The following FAXC variants were observed in gnomAD, a reference collection of about 807,000 sequenced individuals.
FAXC encodes failed axon connections homolog.
Under a neutral mutation model 41.9 loss-of-function variants are expected in FAXC, and 10 were observed. The observed-to-expected ratio is 0.24, with a 90% CI of 0.15 to 0.41. FAXC has a LOEUF of 0.41. Among genes scored for constraint, FAXC ranks in the 10% least tolerant of loss-of-function variants. FAXC has a pLI of 1.00. For missense variants in FAXC, 399 were observed against 510.9 expected, an observed-to-expected ratio of 0.78 and a Z score of 2.11; for synonymous variants, 183 against 183.8, an observed-to-expected ratio of 1.00 and a Z score of 0.03.
intron 5 of FAXC, among the ~76,000 whole-genome samples, chr6:99,290,284 G>A (rs1444498453): frequency 6.6e-6 from 1 of 151,944 alleles, no homozygotes; most frequent in Non-Finnish European, 1.5e-5. Flanking sequence ...CTGGTTCTAC[G>A]TATCCTTGCT....
At chr6:99,325,982 A>G (rs1405463497) in intron 3 of FAXC, among the ~76,000 whole-genome samples, 2 of 152,238 alleles carry the variant, frequency 1.3e-5, no homozygotes, top group East Asian at 1.9e-4. Flanking sequence ...AGGTGTACGC[A>G]TGAAGAGCAT....
At chr6:99,348,889 T>C (rs1432203487) in intron 1 of FAXC, among the ~76,000 whole-genome samples, 2 of 152,166 alleles carry the variant, frequency 1.3e-5, no homozygotes, top group Non-Finnish European at 2.9e-5. Context: ...GGGAGACAAA[T>C]GTTTTTCCCT....
chr6:99,286,924 T>C (rs1771049298), intron 5 of FAXC, among the ~76,000 whole-genome samples: 2 of 152,320 alleles, frequency 1.3e-5, no homozygotes, highest in South Asian at 4.1e-4. Context: ...AGAATATAAA[T>C]TGTATAATCT....
intron 4 of FAXC, among the ~76,000 whole-genome samples, chr6:99,299,910 A>G (rs1215763078): frequency 1.3e-5 from 2 of 152,264 alleles, no homozygotes; most frequent in East Asian, 1.9e-4. Context: ...CAATTAGCTC[A>G]CATTCTGGGA....
rs140051296 is a variant in FAXC, at chr6:99,329,287, G to T, written c.599+4064C>A. The stretch of plus-strand genomic sequence containing the variant: ...TTTAAAAGACTATCTTAGAACAGAG[G>T]AACAAAACCTGCTCAAAAATGTTTA... On this transcript the variant is annotated intron_variant, in intron 3 of 5. Coordinates refer to ENST00000389677, the MANE Select transcript of FAXC (RefSeq NM_032511.4). Among the ~76,000 whole-genome samples, 3 of 152,202 alleles carry T rather than the reference G, an allele frequency of 2.0e-5. No homozygotes were observed. The East Asian group carries it at 5.8e-4, about 29-fold the overall frequency.
At chr6:99,299,903 T>C (rs908327673) in intron 4 of FAXC, among the ~76,000 whole-genome samples, 2 of 152,088 alleles carry the variant, frequency 1.3e-5, no homozygotes, top group African/African-American at 4.8e-5. Flanking sequence ...CGATCGCCAA[T>C]TAGCTCACAT....
chr6:99,346,542 C>A (rs1183093884), intron 1 of FAXC, among the ~76,000 whole-genome samples: 12 of 151,892 alleles, frequency 7.9e-5, no homozygotes, highest in Non-Finnish European at 1.3e-4. Flanking sequence ...GCGCGTGCCA[C>A]CACGCCAGGC....
At chr6:99,281,489 A>C in intron 5 of FAXC, 36 bp from the exon 6 acceptor site, 39 of 1,514,288 alleles carry the variant, frequency 2.6e-5, no homozygotes, top group Non-Finnish European at 3.4e-5. Context: ...ATTAGTTCTC[A>C]AAGGCAGCAG....
At chr6:99,314,309 T>C (rs1772252730) in intron 4 of FAXC, among the ~76,000 whole-genome samples, 1 of 152,122 alleles carries the variant, frequency 6.6e-6, no homozygotes, top group Non-Finnish European at 1.5e-5. Context: ...CATTCATAAC[T>C]TTCTGCCCAA....
chr6:99,286,899 C>A, intron 5 of FAXC, among the ~76,000 whole-genome samples: 1 of 152,158 alleles, frequency 6.6e-6, no homozygotes. Flanking sequence ...GAAGTACTTT[C>A]AGACTTTGCT....
intron 1 of FAXC, among the ~76,000 whole-genome samples, chr6:99,348,141 T>A (rs1166301229): frequency 6.6e-6 from 1 of 152,178 alleles, no homozygotes; most frequent in Non-Finnish European, 1.5e-5. Context: ...GTAGGATTCC[T>A]CCACTGGAAT....
At chr6:99,296,602 A>C (rs1281034991) in intron 4 of FAXC, among the ~76,000 whole-genome samples, 1 of 151,852 alleles carries the variant, frequency 6.6e-6, no homozygotes, top group African/African-American at 2.4e-5. Context: ...CACCCAGAAC[A>C]CCTCCCCAAG....
chr6:99,348,766 T>C (rs569828315), intron 1 of FAXC, among the ~76,000 whole-genome samples: 1 of 152,354 alleles, frequency 6.6e-6, no homozygotes, highest in East Asian at 1.9e-4. Flanking sequence ...AGGCATTTCA[T>C]AAAAGTGTAA....
intron 5 of FAXC, among the ~76,000 whole-genome samples, chr6:99,285,901 T>C (rs1363032274): frequency 6.6e-6 from 1 of 152,210 alleles, no homozygotes; most frequent in Non-Finnish European, 1.5e-5. Context: ...TCTGTACAAC[T>C]TGATGCTGAA....
At chr6:99,312,277 G>A (rs890164861) in intron 4 of FAXC, among the ~76,000 whole-genome samples, 18 of 152,222 alleles carry the variant, frequency 1.2e-4, no homozygotes, top group South Asian at 2.1e-4. Context: ...CTGCCTGGGA[G>A]CACGGAACAG....
chr6:99,310,443 C>T (rs1461092775), intron 4 of FAXC, among the ~76,000 whole-genome samples: 2 of 152,220 alleles, frequency 1.3e-5, no homozygotes, highest in Non-Finnish European at 2.9e-5. Flanking sequence ...ATTATCTGTT[C>T]TGGTGTGGTG....
chr6:99,324,502 G>C (rs527319248), intron 3 of FAXC, among the ~76,000 whole-genome samples: 36 of 152,270 alleles, frequency 2.4e-4, no homozygotes, highest in Middle Eastern at 6.8e-3. Flanking sequence ...GAACTCTAAA[G>C]GGAACACAAC....
rs1773719648 is a variant in FAXC at position 99,349,472 on chromosome 6, G to A, written c.-100C>T. 1 of 841,640 alleles carries A rather than the reference G, an allele frequency of 1.2e-6. No individual in the cohort carries two copies. The highest frequency in any genetic ancestry group is 5.2e-5 in the South Asian group (1 of 19,308). The allele number at this position is 841,640 out of a possible 1,614,324, so 52.1% of individuals were successfully genotyped here. On this transcript the variant is annotated 5_prime_UTR_variant, in exon 1 of 6. Coordinates refer to ENST00000389677, the MANE Select transcript of FAXC (RefSeq NM_032511.4). ...GCGGGCTCAGAGGCGCGCGGAGGGC[G>A]CGGGCGGCGCGGGCGGCGGCGACTG...
chr6:99,295,236 A>G (rs535308627), intron 4 of FAXC, among the ~76,000 whole-genome samples: 6 of 152,362 alleles, frequency 3.9e-5, no homozygotes, highest in African/African-American at 1.4e-4. Flanking sequence ...CACATACAGG[A>G]CAGTTATGAA....
Sources: gnomAD v4.1 joint callset for allele counts (sites outside exome capture counted in the v4.1 genomes callset) on GRCh38, gnomAD v4.1.1 for gene constraint, MANE v1.5 for transcripts, NCBI Gene and HGNC (gene_info 2026-07-23, HGNC 2026-07-21) for gene names.